The following IL17RD variants were observed in gnomAD, a reference collection of about 807,000 sequenced individuals.
The protein encoded by IL17RD is interleukin-17 receptor D.
Under a neutral mutation model 80.5 loss-of-function variants are expected in IL17RD, and 52 were observed. That is an observed-to-expected ratio of 0.65 (90% CI 0.52 to 0.81). IL17RD has a LOEUF of 0.81. Ranked by LOEUF, IL17RD falls within the 40% of genes least tolerant of loss-of-function variation. The pLI, the probability that IL17RD is intolerant of heterozygous loss-of-function variation, is 0.00. For missense variants in IL17RD, 1,024 were observed against 955.1 expected (o/e 1.07, Z -0.95); for synonymous variants, 416 against 391.8 (o/e 1.06, Z -0.73).
intron 1 of IL17RD, among the ~76,000 whole-genome samples, chr3:57,143,019 CATAA>C (rs1208753227): frequency 7.2e-5 from 11 of 152,114 alleles, no homozygotes; most frequent in African/African-American, 2.2e-4. Context: ...TCAAACGGAG[CATAA>C]ATAAAGTAGA....
intron 1 of IL17RD, among the ~76,000 whole-genome samples, chr3:57,128,991 A>T (rs1202677511): frequency 6.6e-6 from 1 of 152,114 alleles, no homozygotes; most frequent in Non-Finnish European, 1.5e-5. Flanking sequence ...AATTCCGAAA[A>T]CGTTAGAGAC....
At chr3:57,104,004 G>A (rs938670087) in intron 8 of IL17RD, among the ~76,000 whole-genome samples, 3 of 152,000 alleles carry the variant, frequency 2.0e-5, no homozygotes, top group African/African-American at 7.2e-5. Context: ...TAGGCAAAAT[G>A]GGCATAACTT....
chr3:57,106,377 A>G (rs1231137933), intron 5 of IL17RD, among the ~76,000 whole-genome samples: 5 of 152,244 alleles, frequency 3.3e-5, no homozygotes, highest in Non-Finnish European at 7.3e-5. Flanking sequence ...TGCCACATAA[A>G]TGGTAACAAT....
intron 1 of IL17RD, among the ~76,000 whole-genome samples, chr3:57,141,923 G>A (rs569489807): frequency 3.3e-5 from 5 of 152,278 alleles, no homozygotes; most frequent in African/African-American, 9.6e-5. Flanking sequence ...GTATCTGCAC[G>A]GTTTTCACCA....
chr3:57,112,720 G>A (rs1300768950), intron 3 of IL17RD, among the ~76,000 whole-genome samples: 7 of 152,202 alleles, frequency 4.6e-5, no homozygotes, highest in Non-Finnish European at 1.0e-4. Flanking sequence ...CAGAAGTACT[G>A]ATGTGGAGAA....
chr3:57,143,253 G>A (rs1260238605), intron 1 of IL17RD, among the ~76,000 whole-genome samples: 1 of 152,184 alleles, frequency 6.6e-6, no homozygotes, highest in Non-Finnish European at 1.5e-5. Flanking sequence ...CACCAGGATG[G>A]AGGCAGGGGC....
Position 57,093,670 on chromosome 3 carries a change from C to G in IL17RD, c.*2723G>C, listed in dbSNP as rs972039796. ...GATCAATTGCCTCAAAGGCCCAAGA[C>G]AGCCCTCTGGAGGAGCTTTGGCACC... On this transcript the variant is annotated 3_prime_UTR_variant, in exon 13 of 13. Transcript: ENST00000296318. The G allele has an allele frequency of 6.6e-6, 1 of 152,260 alleles. No homozygotes were observed. Among genetic ancestry groups the G allele is most frequent in the African/African-American group, 2.4e-5 (1 of 41,462 alleles). The allele number at this position is 152,260 out of a possible 1,614,324, so 9.4% of individuals were successfully genotyped here.
intron 1 of IL17RD, among the ~76,000 whole-genome samples, chr3:57,132,300 C>CA (rs201505308): frequency 0.012 from 1,805 of 150,266 alleles, 46 homozygotes; most frequent in African/African-American, 0.041. Context: ...GCTAATAATA[C>CA]AAAAAAAAAT....
chr3:57,096,180 T>C lies in IL17RD; in HGVS notation c.*213A>G. ...TTGTCAGACCTTATGGACATGCCTT[T>C]CAGAGCTCCATATCATTTTAGAAAA... is the stretch of plus-strand genomic sequence containing the variant. On this transcript the variant is annotated 3_prime_UTR_variant, in exon 13 of 13. Coordinates refer to ENST00000296318, the MANE Select transcript of IL17RD (RefSeq NM_017563.5). 5.4e-6 allele frequency: 3 copies of C among 552,296 alleles called. No homozygotes were observed. Among genetic ancestry groups the C allele is most frequent in the Middle Eastern group, 9.9e-4 (2 of 2,028 alleles). The allele number at this position is 552,296 out of a possible 1,614,324, so 34.2% of individuals were successfully genotyped here.
chr3:57,157,372 C>T (rs1209486417), intron 1 of IL17RD, among the ~76,000 whole-genome samples: 1 of 151,684 alleles, frequency 6.6e-6, no homozygotes, highest in Non-Finnish European at 1.5e-5. Flanking sequence ...CCTGAATTTC[C>T]CTGTTGTCCA....
At chr3:57,144,231 C>T (rs1343883083) in intron 1 of IL17RD, among the ~76,000 whole-genome samples, 1 of 151,384 alleles carries the variant, frequency 6.6e-6, no homozygotes. Context: ...TCAAGTCAGC[C>T]TTGTTGGTGC....
upstream of IL17RD, chr3:57,169,370 C>A (rs4299455): frequency 0.32 from 123,406 of 388,588 alleles, 22,167 homozygotes; most frequent in Non-Finnish European, 0.39. Context: ...GAGACTGTCA[C>A]CACCTCCCCC....
intron 2 of IL17RD, among the ~76,000 whole-genome samples, chr3:57,116,000 A>T (rs568223788): frequency 6.6e-6 from 1 of 152,204 alleles, no homozygotes; most frequent in African/African-American, 2.4e-5. Context: ...TATAAGAAAA[A>T]TATAAAAGGC....
At chr3:57,130,665 T>C (rs1707587027) in intron 1 of IL17RD, among the ~76,000 whole-genome samples, 1 of 152,116 alleles carries the variant, frequency 6.6e-6, no homozygotes, top group South Asian at 2.1e-4. Flanking sequence ...AGCCTCCTGT[T>C]TCACGGCCCT....
chr3:57,109,238 T>C (rs889128717), intron 5 of IL17RD, among the ~76,000 whole-genome samples: 7 of 152,096 alleles, frequency 4.6e-5, no homozygotes, highest in African/African-American at 1.7e-4. Flanking sequence ...AACCTCTGTC[T>C]CCCAGGTTCA....
intron 3 of IL17RD, among the ~76,000 whole-genome samples, chr3:57,110,617 A>C (rs1277972690): frequency 6.6e-6 from 1 of 152,250 alleles, no homozygotes; most frequent in Non-Finnish European, 1.5e-5. Context: ...AATTGGTCAT[A>C]AAAAGTCTGA....
At chr3:57,127,239 T>TTAAA (rs1707484341) in intron 1 of IL17RD, among the ~76,000 whole-genome samples, 2 of 98,742 alleles carry the variant, frequency 2.0e-5, no homozygotes, top group African/African-American at 1.3e-4. Flanking sequence ...TAAAAATATA[T>TTAAA]AAATATATAT....
At chr3:57,131,173 A>T (rs1411301340) in intron 1 of IL17RD, among the ~76,000 whole-genome samples, 2 of 68,584 alleles carry the variant, frequency 2.9e-5, no homozygotes, top group African/African-American at 6.0e-5. Context: ...CCAGCCCACC[A>T]CTCTCAACTG....
intron 4 of IL17RD, 105 bp downstream of exon 4, chr3:57,110,088 T>A: frequency 7.6e-7 from 1 of 1,318,318 alleles, no homozygotes; most frequent in East Asian, 2.5e-5. Context: ...GCGGGTGGGG[T>A]GGACCCCATA....
Sources: allele counts gnomAD v4.1 joint callset (sites outside exome capture counted in the v4.1 genomes callset), GRCh38; gene constraint gnomAD v4.1.1; transcripts MANE v1.5; gene names NCBI Gene and HGNC (gene_info 2026-07-23, HGNC 2026-07-21).